Variants in WWTR1 observed in about 807,000 individuals in gnomAD.
The protein encoded by WWTR1 is WW domain containing transcription regulator 1.
Under a neutral mutation model 40.1 loss-of-function variants are expected in WWTR1, and 13 were observed. The ratio of observed to expected loss-of-function variants is 0.32; its 90% CI spans 0.21 to 0.52. The LOEUF (loss-of-function observed/expected upper bound fraction) is 0.52. WWTR1 is among the 20% of genes least tolerant of loss of function. The probability of loss-of-function intolerance (pLI) is 0.97; values close to 1 mark genes in which losing one functional copy is unlikely to be tolerated. For missense variants in WWTR1, 436 were observed against 523.1 expected (o/e 0.83, Z 1.63); for synonymous variants, 230 against 210.1 (o/e 1.09, Z -0.82).
intron 1 of WWTR1, among the ~76,000 whole-genome samples, chr3:149,673,113 C>T (rs949621805): frequency 6.6e-6 from 1 of 152,144 alleles, no homozygotes; most frequent in Non-Finnish European, 1.5e-5. Flanking sequence ...CAGTGGCTCA[C>T]GCCTGTAATC....
At chr3:149,573,891 T>A (rs1737759312) in intron 2 of WWTR1, among the ~76,000 whole-genome samples, 1 of 152,092 alleles carries the variant, frequency 6.6e-6, no homozygotes, top group Non-Finnish European at 1.5e-5. Context: ...TCCTGGTACC[T>A]TAGAGACTCT....
intron 2 of WWTR1, among the ~76,000 whole-genome samples, chr3:149,597,459 A>C (rs1739050288): frequency 6.7e-6 from 1 of 150,352 alleles, no homozygotes; most frequent in Non-Finnish European, 1.5e-5. Context: ...AAGAAGAAGA[A>C]GAAGAAGGAA....
At chr3:149,615,848 A>G (rs1362627933) in intron 2 of WWTR1, among the ~76,000 whole-genome samples, 1 of 152,222 alleles carries the variant, frequency 6.6e-6, no homozygotes, top group Non-Finnish European at 1.5e-5. Flanking sequence ...GTCCCTTTAT[A>G]AATATTATTG....
chr3:149,722,798 CT>C, intron 4 of WWTR1, among the ~76,000 whole-genome samples: 1 of 151,838 alleles, frequency 6.6e-6, no homozygotes. Flanking sequence ...TCAAATTTGC[CT>C]TTGAATTTCT....
chr3:149,604,316 A>C (rs1739390235), intron 2 of WWTR1, among the ~76,000 whole-genome samples: 1 of 151,930 alleles, frequency 6.6e-6, no homozygotes, highest in Non-Finnish European at 1.5e-5. Context: ...TGCACACCCC[A>C]CCACATCCCG....
At chr3:149,672,339 T>C (rs1714116501) in intron 1 of WWTR1, among the ~76,000 whole-genome samples, 1 of 152,186 alleles carries the variant, frequency 6.6e-6, no homozygotes, top group African/African-American at 2.4e-5. Context: ...GGACCAGGCC[T>C]GGAAGTGACA....
At chr3:149,571,174 A>G (rs1290945818) in intron 3 of WWTR1, among the ~76,000 whole-genome samples, 1 of 151,808 alleles carries the variant, frequency 6.6e-6, no homozygotes, top group Non-Finnish European at 1.5e-5. Context: ...GGACTGAGGA[A>G]AGGGAGATTG....
chr3:149,717,045 G>C (rs1715620526), intron 5 of WWTR1, among the ~76,000 whole-genome samples: 1 of 152,134 alleles, frequency 6.6e-6, no homozygotes, highest in Non-Finnish European at 1.5e-5. Flanking sequence ...GCACATGCCT[G>C]TAGTCCCAGC....
chr3:149,669,481 A>G (rs1477772844), intron 2 of WWTR1, among the ~76,000 whole-genome samples: 3 of 152,250 alleles, frequency 2.0e-5, no homozygotes, highest in South Asian at 4.1e-4. Flanking sequence ...TTGCACTTCT[A>G]TCGTTTAAAG....
chr3:149,527,492 T>A (rs1040651280), intron 5 of WWTR1, among the ~76,000 whole-genome samples: 1 of 152,246 alleles, frequency 6.6e-6, no homozygotes, highest in African/African-American at 2.4e-5. Flanking sequence ...CCATATGGCA[T>A]GCTTTTATCC....
chr3:149,656,789 TCTCA>T (rs1350183093), intron 2 of WWTR1, 83 bp downstream of exon 2: 1,794 of 786,006 alleles, frequency 2.3e-3, no homozygotes, highest in South Asian at 5.3e-3. Context: ...TCTCTCTCTC[TCTCA>T]CACACACACA....
At chr3:149,700,529 C>G (rs1233655411) in intron 1 of WWTR1, among the ~76,000 whole-genome samples, 1 of 151,976 alleles carries the variant, frequency 6.6e-6, no homozygotes, top group Non-Finnish European at 1.5e-5. Context: ...TAAATTGGAG[C>G]AAATATGCAG....
At chr3:149,606,953 G>A (rs920736760) in intron 2 of WWTR1, among the ~76,000 whole-genome samples, 6 of 152,208 alleles carry the variant, frequency 3.9e-5, no homozygotes, top group Admixed American at 2.6e-4. Context: ...GAGCAAAGCC[G>A]GGGTGGCCTG....
At chr3:149,610,890 C>A (rs1576595705) in intron 2 of WWTR1, among the ~76,000 whole-genome samples, 1 of 152,274 alleles carries the variant, frequency 6.6e-6, no homozygotes, top group Non-Finnish European at 1.5e-5. Flanking sequence ...CACCTGTAAT[C>A]CCAACACTTT....
chr3:149,568,423 G>C (rs1385896423), intron 3 of WWTR1, among the ~76,000 whole-genome samples: 2 of 146,390 alleles, frequency 1.4e-5, no homozygotes. Flanking sequence ...ACTCTGCTCA[G>C]ACAGAATCCA....
chr3:149,630,995 G>C (rs1191169187), intron 2 of WWTR1, among the ~76,000 whole-genome samples: 3 of 152,184 alleles, frequency 2.0e-5, no homozygotes, highest in African/African-American at 7.2e-5. Flanking sequence ...ATATTCTTTT[G>C]TTGAGATCTC....
intron 3 of WWTR1, among the ~76,000 whole-genome samples, chr3:149,544,622 T>C (rs961948900): frequency 1.3e-5 from 2 of 152,200 alleles, no homozygotes; most frequent in Non-Finnish European, 2.9e-5. Context: ...CCCTGGTTAG[T>C]GGCAAGTAGA....
At chr3:149,602,631 G>A (rs1216513804) in intron 2 of WWTR1, among the ~76,000 whole-genome samples, 1 of 152,066 alleles carries the variant, frequency 6.6e-6, no homozygotes, top group Non-Finnish European at 1.5e-5. Flanking sequence ...GTTTACACTG[G>A]CCACACTGAC....
chr3:149,568,933 ATTT>A (rs1256548381), intron 3 of WWTR1, among the ~76,000 whole-genome samples: 1 of 152,036 alleles, frequency 6.6e-6, no homozygotes, highest in East Asian at 1.9e-4. Context: ...CACCCAGCTA[ATTT>A]TTTGCATTTT....
Sources: gnomAD v4.1 joint callset for allele counts (sites outside exome capture counted in the v4.1 genomes callset) on GRCh38, gnomAD v4.1.1 for gene constraint, MANE v1.5 for transcripts, NCBI Gene and HGNC (gene_info 2026-07-23, HGNC 2026-07-21) for gene names.